STAG2: variants seen among roughly 807,000 people sequenced by gnomAD.
The protein encoded by STAG2 is STAG2 cohesin complex component.
Under a neutral mutation model 108.1 loss-of-function variants are expected in STAG2, and 14 were observed. The ratio of observed to expected loss-of-function variants is 0.13; its 90% CI spans 0.09 to 0.20. The LOEUF (loss-of-function observed/expected upper bound fraction) is 0.20, where lower values mean the gene tolerates loss of function less well. Ranked by LOEUF, STAG2 falls within the 10% of genes least tolerant of loss-of-function variation. STAG2 has a pLI of 1.00. For synonymous variants in STAG2, 307 were observed against 302.7 expected, an observed-to-expected ratio of 1.01 and a Z score of -0.15; for missense variants, 440 against 940.9, an observed-to-expected ratio of 0.47 and a Z score of 6.96.
chrX:124,093,807 T>C, intron 32 of STAG2: 2 of 390,330 alleles, frequency 5.1e-6, no homozygotes, highest in East Asian at 4.4e-5. Flanking sequence ...ACTGAAGTAA[T>C]GTAGAATAAA....
At chrX:124,058,909 A>T (rs2058296889) in intron 15 of STAG2, among the ~76,000 whole-genome samples, 1 of 111,608 alleles carries the variant, frequency 9.0e-6, no homozygotes, top group Non-Finnish European at 1.9e-5. Flanking sequence ...ATTCTTTAGG[A>T]TTTTCTACAT....
intron 1 of STAG2, among the ~76,000 whole-genome samples, chrX:124,015,488 G>A (rs1569503493): frequency 9.4e-6 from 1 of 106,936 alleles, no homozygotes; most frequent in East Asian, 3.0e-4. Flanking sequence ...GGGTTCAAGC[G>A]ATTCTCCTGC....
chrX:124,025,810 AG>A, intron 3 of STAG2, 29 bp from the exon 4 acceptor site: 1 of 1,027,244 alleles, frequency 9.7e-7, no homozygotes, highest in Non-Finnish European at 1.3e-6. Context: ...TTTCTAAGGA[AG>A]GGTTTTAATT....
At chrX:124,046,263 A>T (rs770406766) in intron 8 of STAG2, among the ~76,000 whole-genome samples, 15 of 112,380 alleles carry the variant, frequency 1.3e-4, no homozygotes, top group African/African-American at 4.8e-4. Flanking sequence ...ATGATTAAAG[A>T]TATGCTTCTA....
chrX:124,023,479 A>G (rs977693106), intron 3 of STAG2, among the ~76,000 whole-genome samples: 1 of 111,662 alleles, frequency 9.0e-6, no homozygotes, highest in African/African-American at 3.3e-5. Context: ...TGTTATCTTC[A>G]GTGGAGTTTA....
At chrX:123,996,447 G>A (rs1222144361) in intron 1 of STAG2, among the ~76,000 whole-genome samples, 5 of 111,557 alleles carry the variant, frequency 4.5e-5, no homozygotes, top group African/African-American at 1.6e-4. Flanking sequence ...TGGGAGTTTT[G>A]ACAAATGTAT....
intron 25 of STAG2, among the ~76,000 whole-genome samples, chrX:124,075,656 CT>C (rs368605388): frequency 0.017 from 1,825 of 105,634 alleles, 12 homozygotes; most frequent in South Asian, 0.036. Flanking sequence ...TTGTATGCAG[CT>C]TTTTTTTTTA....
At chrX:123,996,664 C>T (rs1027335495) in intron 1 of STAG2, among the ~76,000 whole-genome samples, 2 of 111,996 alleles carry the variant, frequency 1.8e-5, no homozygotes, top group African/African-American at 6.5e-5. Context: ...CCAGTTGAGT[C>T]TGGCTTCTTT....
Position 124,100,697 on chromosome X carries a change from C to G in STAG2, c.*100C>G. The G allele has an allele frequency of 4.1e-6, 3 of 726,613 alleles. No individual in the cohort carries two copies. Among genetic ancestry groups the G allele is most frequent in the Non-Finnish European group, 6.3e-6 (3 of 479,702 alleles). The allele number at this position is 726,613 out of a possible 1,213,427, so 59.9% of individuals were successfully genotyped here. A position where few individuals can be genotyped will look rare whatever the true frequency, so the allele number is the denominator to read the frequency against. On this transcript the variant is annotated 3_prime_UTR_variant, in exon 35 of 35. Coordinates refer to ENST00000371145, the MANE Select transcript of STAG2 (RefSeq NM_001042750.2). ...AGTGAAATTCTGTACAGATTTTTCT[C>G]TAAGGAGAATATGACATGCTTATGC...
At position 124,099,496 on chromosome X, in the gene STAG2, A is replaced by T. The variant is rs5958388; in HGVS notation, c.3784-1078A>T. Among the ~76,000 whole-genome samples, 384 of 111,345 alleles carry T rather than the reference A, an allele frequency of 3.4e-3. 1 individual carries two copies. The highest frequency in any genetic ancestry group is 0.012 in the African/African-American group (356 of 30,749). On this transcript the variant is annotated intron_variant, in intron 34 of 34. Transcript: ENST00000371145. Reference sequence around the variant, plus strand: ...ATTAGTAGTGTGGTAGTTACTGTGAATGGACAGGTAAGAAATTGGGTGCAC... The same window carrying T: ...ATTAGTAGTGTGGTAGTTACTGTGATTGGACAGGTAAGAAATTGGGTGCAC...
chrX:123,995,950 T>C (rs1174606113), intron 1 of STAG2, among the ~76,000 whole-genome samples: 1 of 111,742 alleles, frequency 8.9e-6, no homozygotes, highest in Non-Finnish European at 1.9e-5. Flanking sequence ...GTTCCTGAGA[T>C]TGTGAAGTAG....
chrX:124,060,235 T>A (rs1023145262), intron 15 of STAG2, among the ~76,000 whole-genome samples: 1 of 111,386 alleles, frequency 9.0e-6, no homozygotes, highest in Admixed American at 9.5e-5. Flanking sequence ...GTTCAAGTGA[T>A]TCTCCCACCT....
chrX:124,010,108 A>G (rs2056471839), intron 1 of STAG2, among the ~76,000 whole-genome samples: 1 of 111,824 alleles, frequency 8.9e-6, no homozygotes, highest in Non-Finnish European at 1.9e-5. Context: ...AGCTTGCTTG[A>G]TAAAAGAGGT....
At chrX:124,062,023 C>A in intron 17 of STAG2, 149 bp downstream of exon 17, 1 of 466,355 alleles carries the variant, frequency 2.1e-6, no homozygotes, top group Non-Finnish European at 3.5e-6. Flanking sequence ...AATTTTAAAG[C>A]ATTAGCAATT....
At chrX:124,052,404 A>G (rs1024554928) in intron 13 of STAG2, among the ~76,000 whole-genome samples, 1 of 111,857 alleles carries the variant, frequency 8.9e-6, no homozygotes, top group Admixed American at 9.5e-5. Context: ...CCTATTCTAG[A>G]TATTTCGTAT....
At chrX:124,095,555 C>T in intron 34 of STAG2, 106 bp downstream of exon 34, 1 of 584,775 alleles carries the variant, frequency 1.7e-6, no homozygotes, top group Non-Finnish European at 2.8e-6. Flanking sequence ...TAGATGAAAA[C>T]AGCTGGATGT....
chrX:123,972,604 C>T (rs1362779934), intron 1 of STAG2, among the ~76,000 whole-genome samples: 1 of 109,727 alleles, frequency 9.1e-6, no homozygotes, highest in Non-Finnish European at 1.9e-5. Context: ...TTCATTGAAA[C>T]CATTATGAGA....
chrX:124,042,758 A>G, intron 7 of STAG2, 113 bp downstream of exon 7: 1 of 551,805 alleles, frequency 1.8e-6, no homozygotes. Flanking sequence ...CATGCCTGTA[A>G]TCCCACACTT....
In STAG2 at chrX:124,098,634, A is replaced by G. The variant is rs2059440356; in HGVS notation, c.3784-1940A>G. ...GAAGTAACTCAAAGCACCCTAATGTAGACACTTCAGTTTGTTACTAAATAA... is the reference window on the plus strand; with the variant it reads ...GAAGTAACTCAAAGCACCCTAATGTGGACACTTCAGTTTGTTACTAAATAA... On this transcript the variant is annotated intron_variant, in intron 34 of 34. Coordinates refer to ENST00000371145, the MANE Select transcript of STAG2 (RefSeq NM_001042750.2). 2.7e-5 allele frequency among the ~76,000 whole-genome samples: 3 copies of G among 111,944 alleles called. No individual in the cohort carries two copies. The Admixed American group carries it at 2.9e-4, about 11-fold the overall frequency.
Sources: allele counts gnomAD v4.1 joint callset (sites outside exome capture counted in the v4.1 genomes callset), GRCh38; gene constraint gnomAD v4.1.1; transcripts MANE v1.5; gene names NCBI Gene and HGNC (gene_info 2026-07-23, HGNC 2026-07-21).